The following PCDHGB2 variants were observed in gnomAD, a reference collection of about 807,000 sequenced individuals.
The protein encoded by PCDHGB2 is protocadherin gamma-B2.
In PCDHGB2, 55 loss-of-function variants were observed where a neutral mutation model predicts 59.3. The ratio of observed to expected loss-of-function variants is 0.93; its 90% CI spans 0.75 to 1.16. The LOEUF (loss-of-function observed/expected upper bound fraction) is 1.16. Ranked by LOEUF, PCDHGB2 falls within the 50% of genes most tolerant of loss-of-function variation. The pLI is 0.00. For missense variants in PCDHGB2, 1,228 were observed against 1,198.5 expected (o/e 1.02, Z -0.36); for synonymous variants, 516 against 512.0 (o/e 1.01, Z -0.11).
Position 141,415,188 on chromosome 5 carries a change from C to G in PCDHGB2, c.2421+52632C>G, listed in dbSNP as rs2095841560. On this transcript the variant is annotated intron_variant, in intron 1 of 3. Coordinates refer to ENST00000522605, the MANE Select transcript of PCDHGB2 (RefSeq NM_018923.3). Reference sequence around the variant, plus strand: ...CGCTCACCGTGGCCGTGGCCGACAGCATCCCCCAAGTCCTGGCGGACCTCG... The same window carrying G: ...CGCTCACCGTGGCCGTGGCCGACAGGATCCCCCAAGTCCTGGCGGACCTCG... 3 of 1,614,006 alleles carry G rather than the reference C, an allele frequency of 1.9e-6. No homozygotes were observed. The East Asian group carries it at 6.7e-5, about 36-fold the overall frequency.
intron 1 of PCDHGB2, chr5:141,391,341 C>G (rs2092360139): frequency 6.9e-6 from 1 of 145,086 alleles, no homozygotes. Flanking sequence ...GAGACAGAGT[C>G]TCTGTCTGTT....
chr5:141,428,406 C>T (rs908202809), intron 1 of PCDHGB2: 1 of 473,274 alleles, frequency 2.1e-6, no homozygotes, highest in Non-Finnish European at 3.9e-6. Context: ...CCTGGGGTTG[C>T]TTTCACCCTG....
intron 1 of PCDHGB2, among the ~76,000 whole-genome samples, chr5:141,397,195 GAT>G (rs2093485710): frequency 1.3e-5 from 2 of 152,150 alleles, no homozygotes; most frequent in Admixed American, 1.3e-4. Context: ...TACTGTAAAA[GAT>G]ATGACATAAG....
At chr5:141,399,376 AC>A (rs1398817003) in intron 1 of PCDHGB2, 1 of 1,613,956 alleles carries the variant, frequency 6.2e-7, no homozygotes, top group Non-Finnish European at 8.5e-7. Flanking sequence ...GTACAATGTC[AC>A]CATCACAGCC....
rs70988800 is a variant in PCDHGB2 at position 141,379,889 on chromosome 5, CTTTTTTTTTTTTT to C, written c.2421+17351_2421+17363del. Among the ~76,000 whole-genome samples the C allele has an allele frequency of 8.7e-4, 44 of 50,836 alleles. 1 individual carries two copies. The South Asian group carries it at 0.014, about 16-fold the overall frequency. The allele number at this position is 50,836 out of a possible 152,430, so 33.4% of individuals were successfully genotyped here. On this transcript the variant is annotated intron_variant, in intron 1 of 3. Transcript: ENST00000522605. ...CTTATTTTATGGTCTGTGAAAGCCT[CTTTTTTTTTTTTT>C]TTTTTTTTTTTTTTTTTGTCAGAGT...
intron 1 of PCDHGB2, chr5:141,417,652 GCCTGGGATTC>G: frequency 2.4e-6 from 2 of 840,506 alleles, no homozygotes; most frequent in Non-Finnish European, 3.5e-6. Context: ...TCAGCCTCTA[GCCTGGGATTC>G]CCTGCGCAGC....
At position 141,369,841 on chromosome 5, in the gene PCDHGB2, A is replaced by G. The variant is rs139634339; in HGVS notation, c.2421+7285A>G. 6.6e-4 allele frequency among the ~76,000 whole-genome samples: 101 copies of G among 152,282 alleles called. No homozygotes were observed. The East Asian group carries it at 0.014, about 20-fold the overall frequency. ...CTTCCATTTGTATGATTTTCTATGT[A>G]TTATTTTATTTGGCCCTCATTTCTA... On this transcript the variant is annotated intron_variant, in intron 1 of 3. Coordinates refer to ENST00000522605, the MANE Select transcript of PCDHGB2 (RefSeq NM_018923.3).
rs1328089059 is a variant in PCDHGB2, at chr5:141,478,532, G to A, written c.2422-16275G>A. 4.4e-6 allele frequency: 7 copies of A among 1,607,742 alleles called. No homozygotes were observed. The East Asian group carries it at 1.6e-4, about 36-fold the overall frequency. On this transcript the variant is annotated intron_variant, in intron 1 of 3. Coordinates refer to ENST00000522605, the MANE Select transcript of PCDHGB2 (RefSeq NM_018923.3). Reference sequence around the variant, plus strand: ...TAGGCAGGTGTTGGGTGCAGAGAGCGCCCCTCCCGGACAGGTAAGGTTTAG... The same window carrying A: ...TAGGCAGGTGTTGGGTGCAGAGAGCACCCCTCCCGGACAGGTAAGGTTTAG...
chr5:141,415,247 C>G, intron 1 of PCDHGB2: 1 of 1,614,210 alleles, frequency 6.2e-7, no homozygotes. Context: ...TCTGAAACCT[C>G]AGACCTCACT....
chr5:141,388,212 G>C, intron 1 of PCDHGB2: 3 of 1,590,850 alleles, frequency 1.9e-6, no homozygotes, highest in Non-Finnish European at 2.6e-6. Flanking sequence ...TGAGGCTGTT[G>C]CTGAAAATCC....
At chr5:141,405,227 C>A (rs562247940) in intron 1 of PCDHGB2, 1 of 1,614,114 alleles carries the variant, frequency 6.2e-7, no homozygotes. Context: ...GGAGTTCTCC[C>A]TCACCGCTGA....
chr5:141,385,507 AG>A, intron 1 of PCDHGB2: 1 of 1,376,812 alleles, frequency 7.3e-7, no homozygotes, highest in Non-Finnish European at 9.4e-7. Flanking sequence ...GTATTTCTTT[AG>A]TGAAAGCCTA....
At chr5:141,415,151 C>G in intron 1 of PCDHGB2, 2 of 1,613,814 alleles carry the variant, frequency 1.2e-6, no homozygotes, top group Non-Finnish European at 1.7e-6. Flanking sequence ...CCCCCTCTCT[C>G]CGCCACTGTC....
chr5:141,361,084 C>CT lies in PCDHGB2; in HGVS notation c.950dup (p.Ser318GlufsTer19). ...TTTTGAGATTGCAAGTAGTTACACT[C>CT]TGAGTATCGAAGCAAAAGATCCTGG... On this transcript the variant is annotated frameshift_variant, in exon 1 of 4. Coordinates refer to ENST00000522605, the MANE Select transcript of PCDHGB2 (RefSeq NM_018923.3). LOFTEE classifies it high-confidence loss of function. 2 of 1,613,986 alleles carry CT rather than the reference C, an allele frequency of 1.2e-6. No individual in the cohort carries two copies. The highest frequency in any genetic ancestry group is 1.7e-6 in the Non-Finnish European group (2 of 1,179,872).
At position 141,361,650 on chromosome 5, in the gene PCDHGB2, G is replaced by T; in HGVS notation, c.1515G>T (p.Val505=). ...AGCCGCGGGAGATTTTATCCTACGT[G>T]TCCGTGAGCGCGCAGAGCGGGGTGG... ...DLKPREILSY[V]SVSAQSGVVF... Residue 505 remains valine, a synonymous_variant, in exon 1 of 4, where the codon GTG becomes GTT. Coordinates refer to ENST00000522605, the MANE Select transcript of PCDHGB2 (RefSeq NM_018923.3). 1 of 1,613,772 alleles carries T rather than the reference G, an allele frequency of 6.2e-7. No homozygotes were observed. The highest frequency in any genetic ancestry group is 8.5e-7 in the Non-Finnish European group (1 of 1,179,910).
At position 141,362,252 on chromosome 5, in the gene PCDHGB2, C is replaced by A. The variant is rs1030341825; in HGVS notation, c.2117C>A (p.Ala706Glu). ...TTGATCTCAGTGCTCTTCTTCCTCGCGGTGATTCTGGCAATCTCCCTGCGC... is the reference window on the plus strand; with the variant it reads ...TTGATCTCAGTGCTCTTCTTCCTCGAGGTGATTCTGGCAATCTCCCTGCGC... ...LALISVLFFL[A>E]VILAISLRLR... Residue 706 changes from alanine (A) to glutamate (E), a missense_variant, in exon 1 of 4, where the codon GCG becomes GAG. By Grantham distance (107) the Ala-to-Glu change is moderately radical (BLOSUM62 -1). Coordinates refer to ENST00000522605, the MANE Select transcript of PCDHGB2 (RefSeq NM_018923.3). 1.9e-6 allele frequency: 3 copies of A among 1,613,904 alleles called. No homozygotes were observed. In the Admixed American group the frequency reaches 5.0e-5, roughly 27 times the overall value.
chr5:141,423,006 T>A, intron 1 of PCDHGB2: 2 of 1,614,198 alleles, frequency 1.2e-6, no homozygotes, highest in Non-Finnish European at 1.7e-6. Context: ...CCAAGGTGGT[T>A]GCGGTGGACA....
chr5:141,401,564 C>A (rs2094168610), intron 1 of PCDHGB2, among the ~76,000 whole-genome samples: 1 of 152,204 alleles, frequency 6.6e-6, no homozygotes, highest in African/African-American at 2.4e-5. Flanking sequence ...GCCTGAATTT[C>A]TCTTGCTCGG....
At chr5:141,447,232 C>T (rs988057696) in intron 1 of PCDHGB2, among the ~76,000 whole-genome samples, 3 of 152,062 alleles carry the variant, frequency 2.0e-5, no homozygotes, top group East Asian at 1.9e-4. Flanking sequence ...CTCCGCCTCC[C>T]GGGTTCAAGT....
Sources: allele counts gnomAD v4.1 joint callset (sites outside exome capture counted in the v4.1 genomes callset), GRCh38; gene constraint gnomAD v4.1.1; transcripts MANE v1.5; gene names NCBI Gene and HGNC (gene_info 2026-07-23, HGNC 2026-07-21).